Variants in SGMS2 observed in about 807,000 individuals in gnomAD.
SGMS2 encodes phosphatidylcholine:ceramide cholinephosphotransferase 2.
SGMS2 carries 21 observed loss-of-function variants against 43.8 expected under a neutral mutation model. That is an observed-to-expected ratio of 0.48 (90% CI 0.34 to 0.69). The LOEUF (loss-of-function observed/expected upper bound fraction) is 0.69, where lower values mean the gene tolerates loss of function less well. Ranked by LOEUF, SGMS2 falls within the 30% of genes least tolerant of loss-of-function variation. The probability of loss-of-function intolerance (pLI) is 0.01; values close to 1 mark genes in which losing one functional copy is unlikely to be tolerated. For missense variants in SGMS2, 384 were observed against 443.2 expected (o/e 0.87, Z 1.20); for synonymous variants, 167 against 160.6 (o/e 1.04, Z -0.30).
intron 4 of SGMS2, among the ~76,000 whole-genome samples, chr4:107,902,422 C>T (rs141907898): frequency 9.9e-5 from 15 of 152,178 alleles, no homozygotes; most frequent in Admixed American, 3.3e-4. Flanking sequence ...CCTATCTAGC[C>T]CCTCAATAAT....
intron 1 of SGMS2, among the ~76,000 whole-genome samples, chr4:107,845,097 A>G (rs1726739136): frequency 6.6e-6 from 1 of 152,190 alleles, no homozygotes; most frequent in Non-Finnish European, 1.5e-5. Flanking sequence ...ACTAATCAGG[A>G]AAAATGAGAC....
chr4:107,914,969 CT>C lies in SGMS2; in HGVS notation c.*4421del, dbSNP rs976434948. ...TTGGTTTCTAATCTCTTTGGTTTTG[CT>C]TTTTAAAAAATGCAAGAGCCTATAC... On this transcript the variant is annotated 3_prime_UTR_variant, in exon 7 of 7. Coordinates refer to ENST00000690982, the MANE Select transcript of SGMS2 (RefSeq NM_001375905.1). The C allele has an allele frequency of 2.6e-5, 4 of 152,026 alleles. No homozygotes were observed. Among genetic ancestry groups the C allele is most frequent in the Non-Finnish European group, 5.9e-5 (4 of 67,978 alleles). The allele number at this position is 152,026 out of a possible 1,614,324, so 9.4% of individuals were successfully genotyped here.
intron 3 of SGMS2, among the ~76,000 whole-genome samples, chr4:107,897,628 T>C (rs954672782): frequency 1.4e-5 from 2 of 144,562 alleles, no homozygotes; most frequent in African/African-American, 5.1e-5. Flanking sequence ...TAGATAGTTA[T>C]TATTAACTGC....
At chr4:107,853,026 G>C (rs2126018170) in intron 1 of SGMS2, among the ~76,000 whole-genome samples, 1 of 152,218 alleles carries the variant, frequency 6.6e-6, no homozygotes, top group African/African-American at 2.4e-5. Context: ...GTGAAGGTTT[G>C]AAGGCATTTG....
chr4:107,841,384 T>C (rs1726489042), intron 1 of SGMS2, among the ~76,000 whole-genome samples: 1 of 152,182 alleles, frequency 6.6e-6, no homozygotes, highest in Admixed American at 6.5e-5. Flanking sequence ...GCCACTCTTT[T>C]TCCCCTGTGA....
chr4:107,861,270 C>A (rs1384417238), intron 2 of SGMS2, among the ~76,000 whole-genome samples: 1 of 152,144 alleles, frequency 6.6e-6, no homozygotes, highest in Non-Finnish European at 1.5e-5. Context: ...TATGTTACTG[C>A]AATTTATATT....
Position 107,855,572 on chromosome 4 carries a change from T to A in SGMS2, c.-326-2900T>A, listed in dbSNP as rs575556548. Among the ~76,000 whole-genome samples the A allele has an allele frequency of 1.4e-3, 209 of 152,314 alleles. 1 individual carries two copies. The highest frequency in any genetic ancestry group is 4.7e-3 in the African/African-American group (196 of 41,568). On this transcript the variant is annotated intron_variant, in intron 1 of 6. Transcript: ENST00000690982. ...CACTTGGATATAATAGTGACTTTTT[T>A]GAATTTGTGGAGACTTGTTTTGTGG...
chr4:107,840,095 C>A (rs1726413970), intron 1 of SGMS2, among the ~76,000 whole-genome samples: 1 of 152,184 alleles, frequency 6.6e-6, no homozygotes, highest in Non-Finnish European at 1.5e-5. Flanking sequence ...TTTCATATAT[C>A]CTGTTTTAAT....
Position 107,888,091 on chromosome 4 carries a change from G to A in SGMS2, c.-244-7219G>A, listed in dbSNP as rs1400636613. Among the ~76,000 whole-genome samples the A allele has an allele frequency of 5.3e-5, 8 of 152,134 alleles. No individual in the cohort carries two copies. In the South Asian group the frequency reaches 1.2e-3, roughly 24 times the overall value. ...AGTCTCATACGCCCACCTCTTCCAC[G>A]ATAGTTCCTGGGCCTTGAGGAGTTG... On this transcript the variant is annotated intron_variant, in intron 2 of 6. Coordinates refer to ENST00000690982, the MANE Select transcript of SGMS2 (RefSeq NM_001375905.1).
At chr4:107,884,228 C>A (rs550582220) in intron 2 of SGMS2, among the ~76,000 whole-genome samples, 1 of 152,178 alleles carries the variant, frequency 6.6e-6, no homozygotes, top group Non-Finnish European at 1.5e-5. Flanking sequence ...TCATAAGCCA[C>A]TTTCATACCT....
At chr4:107,841,297 G>C (rs1055674779) in intron 1 of SGMS2, among the ~76,000 whole-genome samples, 5 of 152,080 alleles carry the variant, frequency 3.3e-5, no homozygotes, top group Non-Finnish European at 5.9e-5. Context: ...GGCCCTTCTG[G>C]GTTCCTCTTG....
intron 2 of SGMS2, chr4:107,868,022 A>G (rs1219018336): frequency 6.6e-6 from 1 of 152,228 alleles, no homozygotes; most frequent in Non-Finnish European, 1.5e-5. Flanking sequence ...TTTTTGGCAG[A>G]GGAAATATAG....
chr4:107,841,620 A>T (rs1185848340), intron 1 of SGMS2, among the ~76,000 whole-genome samples: 2 of 152,026 alleles, frequency 1.3e-5, no homozygotes, highest in South Asian at 2.1e-4. Flanking sequence ...GGTACTTTTT[A>T]AAAATTTTTT....
chr4:107,847,900 T>C (rs1726923306), intron 1 of SGMS2, among the ~76,000 whole-genome samples: 1 of 152,208 alleles, frequency 6.6e-6, no homozygotes, highest in African/African-American at 2.4e-5. Context: ...GTACACTTTG[T>C]ACAGTTAAGG....
At chr4:107,876,329 C>T (rs1728910053) in intron 2 of SGMS2, among the ~76,000 whole-genome samples, 1 of 152,126 alleles carries the variant, frequency 6.6e-6, no homozygotes, top group African/African-American at 2.4e-5. Flanking sequence ...CCGCTATAAC[C>T]ACCAAATGTT....
intron 2 of SGMS2, among the ~76,000 whole-genome samples, chr4:107,880,089 C>G (rs552244154): frequency 3.2e-4 from 49 of 152,174 alleles, no homozygotes; most frequent in Non-Finnish European, 6.6e-4. Context: ...ATCAAAATAT[C>G]TGCCCTCTAC....
At chr4:107,892,518 G>A (rs779229414) in intron 2 of SGMS2, among the ~76,000 whole-genome samples, 2 of 152,136 alleles carry the variant, frequency 1.3e-5, no homozygotes. Context: ...TTTTGCCAAG[G>A]TTGAGGTTGC....
intron 1 of SGMS2, among the ~76,000 whole-genome samples, chr4:107,826,602 C>T (rs1372042348): frequency 1.3e-5 from 2 of 152,080 alleles, no homozygotes; most frequent in Non-Finnish European, 2.9e-5. Context: ...CTCTTTATGG[C>T]CCTTTCCTTG....
chr4:107,870,256 A>C (rs1246937152), intron 2 of SGMS2, among the ~76,000 whole-genome samples: 2 of 152,188 alleles, frequency 1.3e-5, no homozygotes, highest in African/African-American at 4.8e-5. Flanking sequence ...TCTGTAAGTA[A>C]GAGATGTCTG....
Sources: gnomAD v4.1 joint callset for allele counts (sites outside exome capture counted in the v4.1 genomes callset) on GRCh38, gnomAD v4.1.1 for gene constraint, MANE v1.5 for transcripts, NCBI Gene and HGNC (gene_info 2026-07-23, HGNC 2026-07-21) for gene names.